ANKRD6: variants seen among roughly 807,000 people sequenced by gnomAD.
The protein encoded by ANKRD6 is ankyrin repeat domain-containing protein 6.
ANKRD6 carries 56 observed loss-of-function variants against 82.3 expected under a neutral mutation model. The ratio of observed to expected loss-of-function variants is 0.68; its 90% CI spans 0.55 to 0.85. ANKRD6 has a LOEUF of 0.85. Ranked by LOEUF, ANKRD6 falls within the 40% of genes least tolerant of loss-of-function variation. The pLI, the probability that ANKRD6 is intolerant of heterozygous loss-of-function variation, is 0.00. For synonymous variants in ANKRD6, 347 were observed against 352.1 expected (o/e 0.99, Z 0.16); for missense variants, 852 against 907.6 (o/e 0.94, Z 0.79).
At position 89,607,304 on chromosome 6, in the gene ANKRD6, G is replaced by A. The variant is rs544095914; in HGVS notation, c.417+1199G>A. ...GCAATAAAACCAGTAAAATTTTACC[G>A]ACAAAGATGTTCATGACAGCAGTAG... is the stretch of plus-strand genomic sequence containing the variant. On this transcript the variant is annotated intron_variant, in intron 5 of 15. Transcript: ENST00000339746. 6.3e-4 allele frequency among the ~76,000 whole-genome samples: 93 copies of A among 148,412 alleles called. 1 individual carries two copies. Among genetic ancestry groups the A allele is most frequent in the South Asian group, 2.2e-3 (10 of 4,572 alleles).
At chr6:89,625,762 G>A (rs1295228776) in intron 13 of ANKRD6, among the ~76,000 whole-genome samples, 4 of 144,942 alleles carry the variant, frequency 2.8e-5, no homozygotes, top group Non-Finnish European at 4.5e-5. Context: ...TTTTTTAGAT[G>A]GGGTCTGACT....
chr6:89,498,716 C>T (rs1460425156), intron 1 of ANKRD6, among the ~76,000 whole-genome samples: 2 of 152,186 alleles, frequency 1.3e-5, no homozygotes, highest in Admixed American at 6.5e-5. Context: ...GAATACAATC[C>T]GGTCATTGTT....
intron 2 of ANKRD6, among the ~76,000 whole-genome samples, chr6:89,579,182 G>A (rs1440111645): frequency 6.6e-6 from 1 of 152,258 alleles, no homozygotes; most frequent in African/African-American, 2.4e-5. Context: ...CTATGGTCTT[G>A]AGGAAATAAC....
intron 1 of ANKRD6, among the ~76,000 whole-genome samples, chr6:89,550,742 G>A (rs1785723572): frequency 6.6e-6 from 1 of 152,108 alleles, no homozygotes; most frequent in African/African-American, 2.4e-5. Flanking sequence ...GATCACTTAA[G>A]GTCAGGAGTT....
intron 1 of ANKRD6, among the ~76,000 whole-genome samples, chr6:89,482,583 T>G (rs776276166): frequency 1.9e-4 from 28 of 151,046 alleles, no homozygotes; most frequent in Non-Finnish European, 3.3e-4. Context: ...TAGGCTACCC[T>G]CTCCCCAGTC....
chr6:89,573,447 G>A (rs1790403122), intron 2 of ANKRD6, among the ~76,000 whole-genome samples: 3 of 151,994 alleles, frequency 2.0e-5, no homozygotes, highest in African/African-American at 7.3e-5. Flanking sequence ...CTTTTCCTGG[G>A]GATATCCCCT....
intron 1 of ANKRD6, among the ~76,000 whole-genome samples, chr6:89,540,684 G>A (rs1784350766): frequency 6.6e-6 from 1 of 152,140 alleles, no homozygotes; most frequent in Non-Finnish European, 1.5e-5. Context: ...GCGGGGTATT[G>A]CTCAAGAAAT....
intron 1 of ANKRD6, among the ~76,000 whole-genome samples, chr6:89,503,325 C>T (rs1399946880): frequency 1.3e-5 from 2 of 152,192 alleles, no homozygotes. Flanking sequence ...CTAATGTTAC[C>T]TCTCTTGGGC....
At chr6:89,618,081 T>G (rs1236984080) in intron 9 of ANKRD6, 50 bp downstream of exon 9, 1 of 1,589,810 alleles carries the variant, frequency 6.3e-7, no homozygotes, top group Non-Finnish European at 8.6e-7. Context: ...GACTACAAAG[T>G]TGTTGGGACT....
intron 3 of ANKRD6, chr6:89,598,549 A>G (rs1796391116): frequency 3.1e-6 from 1 of 319,926 alleles, no homozygotes; most frequent in Non-Finnish European, 4.5e-6. Flanking sequence ...GCATGACTGA[A>G]ATCTGCCAAC....
At chr6:89,463,220 T>C (rs1774419225) in intron 1 of ANKRD6, among the ~76,000 whole-genome samples, 1 of 152,216 alleles carries the variant, frequency 6.6e-6, no homozygotes, top group Admixed American at 6.5e-5. Context: ...AGCAGTTTTA[T>C]CACTTATTTT....
chr6:89,461,061 C>T (rs199869172), intron 1 of ANKRD6, among the ~76,000 whole-genome samples: 2 of 152,002 alleles, frequency 1.3e-5, no homozygotes, highest in Admixed American at 1.3e-4. Context: ...CCATCATGCC[C>T]GGCTAATGTT....
intron 1 of ANKRD6, among the ~76,000 whole-genome samples, chr6:89,466,581 C>A (rs368009906): frequency 6.6e-5 from 10 of 152,116 alleles, no homozygotes; most frequent in African/African-American, 2.4e-4. Context: ...ACGTTTTTAG[C>A]CTTTGTATTT....
chr6:89,541,329 T>C (rs1784421014), intron 1 of ANKRD6, among the ~76,000 whole-genome samples: 1 of 151,604 alleles, frequency 6.6e-6, no homozygotes, highest in Admixed American at 6.6e-5. Flanking sequence ...GTTTTCATTA[T>C]AGAGATCTTT....
intron 1 of ANKRD6, chr6:89,508,990 G>A (rs1780206293): frequency 6.6e-6 from 1 of 152,462 alleles, no homozygotes; most frequent in African/African-American, 2.4e-5. Flanking sequence ...GGTGTGTGGA[G>A]CTGTTTGTTG....
rs1198797971 is a variant in ANKRD6 at position 89,500,110 on chromosome 6, C to CCACCA, written c.-143-66724_-143-66723insCACCA. The stretch of plus-strand genomic sequence containing the variant: ...TGGTCACCTTTCCCACCTCTGGTGG[C>CCACCA]TCTTTTATCTTGCTCCAGTTGATGA... On this transcript the variant is annotated intron_variant, in intron 1 of 15. Coordinates refer to ENST00000339746, the MANE Select transcript of ANKRD6 (RefSeq NM_001242809.2). Among the ~76,000 whole-genome samples the CCACCA allele has an allele frequency of 4.8e-3, 729 of 152,262 alleles. 8 individuals carry two copies. The highest frequency in any genetic ancestry group is 0.017 in the Middle Eastern group (5 of 294).
chr6:89,550,998 A>G (rs1240705507), intron 1 of ANKRD6, among the ~76,000 whole-genome samples: 2 of 152,248 alleles, frequency 1.3e-5, no homozygotes, highest in Non-Finnish European at 2.9e-5. Context: ...ATACACACAT[A>G]CATATAAATA....
chr6:89,555,017 C>G (rs1407938948), intron 1 of ANKRD6, among the ~76,000 whole-genome samples: 2 of 150,256 alleles, frequency 1.3e-5, no homozygotes, highest in Non-Finnish European at 3.0e-5. Context: ...CCGCCTCTCT[C>G]TATCCTCTCC....
chr6:89,545,966 G>A (rs1375255004), intron 1 of ANKRD6, among the ~76,000 whole-genome samples: 1 of 152,036 alleles, frequency 6.6e-6, no homozygotes, highest in Non-Finnish European at 1.5e-5. Context: ...CACCACGCCT[G>A]GTAATTTTTT....
Sources: allele counts gnomAD v4.1 joint callset (sites outside exome capture counted in the v4.1 genomes callset), GRCh38; gene constraint gnomAD v4.1.1; transcripts MANE v1.5; gene names NCBI Gene and HGNC (gene_info 2026-07-23, HGNC 2026-07-21).